Variants in IFI30 observed in about 807,000 individuals in gnomAD.
IFI30 encodes IFI30 lysosomal thiol reductase, also known as gamma-interferon-inducible lysosomal thiol reductase.
A neutral mutation model predicts 30.1 loss-of-function variants in IFI30; 26 were observed. The observed-to-expected ratio is 0.87, with a 90% CI of 0.63 to 1.20. IFI30 has a LOEUF of 1.20. Ranked by LOEUF, IFI30 falls within the 50% of genes most tolerant of loss-of-function variation. The pLI is 0.00. For missense variants in IFI30, 296 were observed against 312.5 expected (o/e 0.95, Z 0.40); for synonymous variants, 149 against 134.5 (o/e 1.11, Z -0.75).
At position 18,175,085 on chromosome 19, in the gene IFI30, C is replaced by G. The variant is rs1254948453; in HGVS notation, c.178C>G (p.Pro60Ala). 6.2e-7 allele frequency: 1 copy of G among 1,613,874 alleles called. No homozygotes were observed. The highest frequency in any genetic ancestry group is 1.7e-5 in the Admixed American group (1 of 59,994). ...GGGGCCCCTGAAGAAGTCCAATGCACCGCTTGTCAATGTGACCCTCTACTA... is the reference window on the plus strand; with the variant it reads ...GGGGCCCCTGAAGAAGTCCAATGCAGCGCTTGTCAATGTGACCCTCTACTA... ...LRGPLKKSNA[P>A]LVNVTLYYEA... Residue 60 changes from proline (P) to alanine (A), a missense_variant, in exon 2 of 7, where the codon CCG becomes GCG. Transcript: ENST00000407280.
rs1302433461 is a variant in IFI30 at position 18,175,044 on chromosome 19, G to A, written c.137G>A (p.Gly46Asp). The change falls in exon 2 of 7, where the codon GGC (glycine) becomes GAC (aspartate). Residue 46 changes from glycine to aspartate, a missense_variant. Physicochemically the swap from Gly to Asp is moderately conservative, Grantham distance 94. Coordinates refer to ENST00000407280, the MANE Select transcript of IFI30 (RefSeq NM_006332.5). ...GNGPPVNYKTGNLYLRGPLKK... is the reference protein window; with the variant it reads ...GNGPPVNYKTDNLYLRGPLKK... ...CCACGCCTTCCTAATCCACAGACAGGCAATCTATACCTGCGGGGGCCCCTG... is the reference window on the plus strand; with the variant it reads ...CCACGCCTTCCTAATCCACAGACAGACAATCTATACCTGCGGGGGCCCCTG... 6.2e-7 allele frequency: 1 copy of A among 1,613,094 alleles called. No individual in the cohort carries two copies. Among genetic ancestry groups the A allele is most frequent in the South Asian group, 1.1e-5 (1 of 90,978 alleles).
In IFI30 at chr19:18,173,973, G is replaced by A. The variant is rs370440721; in HGVS notation, c.132G>A (p.Lys44=). The A allele has an allele frequency of 1.9e-5, 30 of 1,549,594 alleles. No homozygotes were observed. The highest frequency in any genetic ancestry group is 2.0e-5 in the Admixed American group (1 of 50,810). ...FFGNGPPVNY[K]TGNLYLRGPL... is the part of the protein sequence containing the mutation. Reference sequence around the variant, plus strand: ...GGAATGGGCCACCAGTTAACTACAAGGTAGGGACGGCGACAGGGCGGGCAG... The same window carrying A: ...GGAATGGGCCACCAGTTAACTACAAAGTAGGGACGGCGACAGGGCGGGCAG... Residue 44 remains lysine (K), a splice_region_variant and synonymous_variant, in exon 1 of 7, where the codon AAG becomes AAA. Transcript: ENST00000407280.
chr19:18,174,104 C>A, intron 1 of IFI30, 131 bp downstream of exon 1: 1 of 879,796 alleles, frequency 1.1e-6, no homozygotes, highest in Non-Finnish European at 1.7e-6. Flanking sequence ...TGCCGGGTTC[C>A]TGGAAAAACC....
intron 6 of IFI30, 36 bp downstream of exon 6, chr19:18,177,800 G>A (rs1952311781): frequency 6.2e-7 from 1 of 1,611,498 alleles, no homozygotes; most frequent in African/African-American, 1.3e-5. Flanking sequence ...TTCAGGTGGT[G>A]GGGGTAGGGT....
Position 18,177,123 on chromosome 19 carries a change from G to T in IFI30, c.484-17G>T, listed in dbSNP as rs368358569. 1.1e-5 allele frequency: 17 copies of T among 1,530,846 alleles called. No individual in the cohort carries two copies. In the African/African-American group the frequency reaches 2.3e-4, roughly 21 times the overall value. 94.8% of individuals were successfully genotyped at this position (1,530,846 alleles called of 1,614,324 possible). ...GGGGAGGAAGCTGAGGCAACCCCCT[G>T]CTCCCCACCCACCCAGTGCCTGCAG... On this transcript the variant is annotated splice_polypyrimidine_tract_variant and intron_variant, in intron 4 of 6. Transcript: ENST00000407280.
chr19:18,173,830 G>T lies in IFI30; in HGVS notation c.-12G>T, dbSNP rs1307042199. On this transcript the variant is annotated 5_prime_UTR_variant, in exon 1 of 7. Coordinates refer to ENST00000407280, the MANE Select transcript of IFI30 (RefSeq NM_006332.5). ...CAGCCGCTGCAGTCGCCACACCTTT[G>T]CCCCTGCTGCGATGACCCTGTCGCC... 7 of 1,540,642 alleles carry T rather than the reference G, an allele frequency of 4.5e-6. No homozygotes were observed. In the Admixed American group the frequency reaches 5.9e-5, roughly 13 times the overall value.
intron 4 of IFI30, 129 bp downstream of exon 4, chr19:18,175,826 C>T: frequency 1.6e-6 from 1 of 613,024 alleles, no homozygotes; most frequent in South Asian, 2.0e-5. Context: ...AAACAACTAC[C>T]CTTCTTTATT....
chr19:18,177,149 C>T lies in IFI30; in HGVS notation c.493C>T (p.Leu165Phe). 6.4e-7 allele frequency: 1 copy of T among 1,563,960 alleles called. No individual in the cohort carries two copies. The highest frequency in any genetic ancestry group is 1.4e-5 in the African/African-American group (1 of 73,774). ...CTCCCCACCCACCCAGTGCCTGCAG[C>T]TCTACGCCCCAGGGCTGTCGCCAGA... ...MERSLPLCLQ[L>F]YAPGLSPDTI... is the part of the protein sequence containing the mutation. The change falls in exon 5 of 7, where the codon CTC becomes TTC. Residue 165 changes from leucine (L) to phenylalanine (F), a missense_variant. By Grantham distance (22) the Leu-to-Phe change is conservative. Coordinates refer to ENST00000407280, the MANE Select transcript of IFI30 (RefSeq NM_006332.5).
Position 18,175,643 on chromosome 19 carries a change from C to T in IFI30, c.429C>T (p.Phe143=), listed in dbSNP as rs1967261371. The change falls in exon 4 of 7, where the codon TTC becomes TTT. Residue 143 remains phenylalanine (F), a synonymous_variant. Coordinates refer to ENST00000407280, the MANE Select transcript of IFI30 (RefSeq NM_006332.5). The part of the protein sequence containing the change: ...VLDELDMELA[F]LTIVCMEEFE... ...ATGAACTTGACATGGAGCTAGCCTT[C>T]CTGACCATTGTCTGCATGGAAGAGT... The T allele has an allele frequency of 1.2e-6, 2 of 1,611,042 alleles. No individual in the cohort carries two copies. The highest frequency in any genetic ancestry group is 1.7e-5 in the Admixed American group (1 of 59,556).
chr19:18,177,620 G>A (rs1255823396), intron 5 of IFI30, 91 bp from the exon 6 acceptor site: 1 of 1,465,284 alleles, frequency 6.8e-7, no homozygotes, highest in Non-Finnish European at 9.4e-7. Context: ...GCCAGACTTG[G>A]GAATATGTGC....
chr19:18,175,550 T>C (rs1967259131), intron 3 of IFI30, 55 bp from the exon 4 acceptor site: 10 of 1,505,014 alleles, frequency 6.6e-6, no homozygotes, highest in African/African-American at 2.8e-5. Context: ...CGAGAGGGTG[T>C]CAGGGTACCC....
At chr19:18,175,554 G>A in intron 3 of IFI30, 51 bp from the exon 4 acceptor site, 1 of 1,521,790 alleles carries the variant, frequency 6.6e-7, no homozygotes, top group Non-Finnish European at 9.0e-7. Flanking sequence ...AGGGTGTCAG[G>A]GTACCCTAGG....
chr19:18,175,531 T>A (rs1967258859), intron 3 of IFI30, 74 bp from the exon 4 acceptor site: 4 of 1,438,828 alleles, frequency 2.8e-6, no homozygotes, highest in Non-Finnish European at 3.8e-6. Context: ...TGGGTACTGG[T>A]GATTATTACG....
intron 5 of IFI30, 92 bp downstream of exon 5, chr19:18,177,384 G>A: frequency 7.1e-7 from 1 of 1,410,684 alleles, no homozygotes; most frequent in Non-Finnish European, 9.6e-7. Context: ...AGGAACCCAG[G>A]CGGAGGTTGC....
intron 4 of IFI30, among the ~76,000 whole-genome samples, chr19:18,176,143 T>C (rs1182473065): frequency 2.3e-5 from 1 of 44,198 alleles, no homozygotes; most frequent in Admixed American, 2.0e-4. Flanking sequence ...ACCCAGCCCT[T>C]TTTTTTTTTT....
In IFI30 at chr19:18,177,265, G is replaced by A. The variant is rs530500054; in HGVS notation, c.609G>A (p.Glu203=). ...CAGATGCTCTCCAGCCACCACACGA[G>A]TATGTGCCCTGGGTCACCGTCAATG... ...QRTDALQPPH[E]YVPWVTVNGK... is the part of the protein sequence containing the mutation. Residue 203 remains glutamate, a synonymous_variant, in exon 5 of 7, where the codon GAG becomes GAA. Coordinates refer to ENST00000407280, the MANE Select transcript of IFI30 (RefSeq NM_006332.5). 1.9e-6 allele frequency: 3 copies of A among 1,586,640 alleles called. No homozygotes were observed. The highest frequency in any genetic ancestry group is 2.3e-5 in the East Asian group (1 of 43,706).
intron 5 of IFI30, 32 bp from the exon 6 acceptor site, chr19:18,177,679 G>GGAATATGC: frequency 1.9e-6 from 3 of 1,612,026 alleles, no homozygotes; most frequent in Non-Finnish European, 2.5e-6. Context: ...GTAGCTGCTG[G>GGAATATGC]GAATATGCGA....
At chr19:18,175,289 C>T in intron 2 of IFI30, 22 bp from the exon 3 acceptor site, 2 of 1,578,616 alleles carry the variant, frequency 1.3e-6, no homozygotes, top group Non-Finnish European at 1.7e-6. Flanking sequence ...TACCAGCAGG[C>T]TCTCACCCTG....
intron 1 of IFI30, chr19:18,174,231 C>G: frequency 2.3e-6 from 1 of 426,270 alleles, no homozygotes; most frequent in Non-Finnish European, 4.2e-6. Context: ...GTTCAATGAG[C>G]GCCTACTGTG....
Sources: allele counts gnomAD v4.1 joint callset (sites outside exome capture counted in the v4.1 genomes callset), GRCh38; gene constraint gnomAD v4.1.1; transcripts MANE v1.5; gene names NCBI Gene and HGNC (gene_info 2026-07-23, HGNC 2026-07-21).